The following ACBD6 variants were observed in gnomAD, a reference collection of about 807,000 sequenced individuals.
The protein encoded by ACBD6 is acyl-CoA binding domain containing 6.
Under a neutral mutation model 37.2 loss-of-function variants are expected in ACBD6, and 28 were observed. The ratio of observed to expected loss-of-function variants is 0.75; its 90% CI spans 0.56 to 1.03. ACBD6 has a LOEUF of 1.03. ACBD6 is among the 50% of genes least tolerant of loss of function. ACBD6 has a pLI of 0.00. For missense variants in ACBD6, 340 were observed against 337.4 expected, an observed-to-expected ratio of 1.01 and a Z score of -0.06; for synonymous variants, 113 against 126.8, an observed-to-expected ratio of 0.89 and a Z score of 0.73.
At chr1:180,374,862 C>T (rs1384728360) in intron 6 of ACBD6, among the ~76,000 whole-genome samples, 4 of 151,904 alleles carry the variant, frequency 2.6e-5, no homozygotes, top group South Asian at 2.1e-4. Context: ...AAACAGTAAA[C>T]ATTTTATAGC....
chr1:180,384,756 C>G (rs1188651785), intron 6 of ACBD6, among the ~76,000 whole-genome samples: 1 of 152,170 alleles, frequency 6.6e-6, no homozygotes, highest in African/African-American at 2.4e-5. Flanking sequence ...ACTGAAGTGT[C>G]CATCTACAGA....
intron 3 of ACBD6, among the ~76,000 whole-genome samples, chr1:180,452,793 C>T (rs1474409342): frequency 2.0e-5 from 3 of 152,174 alleles, no homozygotes; most frequent in Non-Finnish European, 2.9e-5. Flanking sequence ...CACCTCTACG[C>T]AAATAAACTA....
Position 180,413,470 on chromosome 1 carries a change from C to T in ACBD6, c.469G>A (p.Glu157Lys), listed in dbSNP as rs931547124. ...TAATCAAATATATTTTTGTCTTCTT[C>T]CCTAGAATAAAAAAAAGAAAGGTCT... ...SSLYHEETIR[E>K]EDKNIFDYCR... The change falls in exon 5 of 8, where the codon GAA (glutamate) becomes AAA (lysine). Residue 157 changes from glutamate (E) to lysine (K), a missense_variant and splice_region_variant. By Grantham distance (56) the Glu-to-Lys change is moderately conservative. Transcript: ENST00000367595. 3 of 1,603,354 alleles carry T rather than the reference C, an allele frequency of 1.9e-6. No individual in the cohort carries two copies. The African/African-American group carries it at 4.0e-5, about 21-fold the overall frequency.
rs1654307667 is a variant in ACBD6 at position 180,397,498 on chromosome 1, CTTCT to C, written c.663+14_663+17del. 3.7e-6 allele frequency: 6 copies of C among 1,601,006 alleles called. No individual in the cohort carries two copies. The highest frequency in any genetic ancestry group is 5.1e-6 in the Non-Finnish European group (6 of 1,168,074). ...TACTTCAATTTAAAAAATAAAAGCT[CTTCT>C]TTATCACTCTTACCTGACAGTTAAT... is the stretch of plus-strand genomic sequence containing the variant. On this transcript the variant is annotated intron_variant, in intron 6 of 7. Transcript: ENST00000367595.
intron 3 of ACBD6, among the ~76,000 whole-genome samples, chr1:180,492,015 G>A (rs951109583): frequency 1.3e-5 from 2 of 152,060 alleles, no homozygotes; most frequent in Admixed American, 6.6e-5. Flanking sequence ...TCACCATGCT[G>A]GCCAGGCCGG....
At chr1:180,330,544 G>A (rs1651440367) in intron 6 of ACBD6, among the ~76,000 whole-genome samples, 1 of 152,062 alleles carries the variant, frequency 6.6e-6, no homozygotes, top group Admixed American at 6.6e-5. Context: ...CTCCACATGG[G>A]CTACAACAGT....
At chr1:180,378,302 A>G (rs1311125555) in intron 6 of ACBD6, among the ~76,000 whole-genome samples, 1 of 152,204 alleles carries the variant, frequency 6.6e-6, no homozygotes, top group Non-Finnish European at 1.5e-5. Context: ...CTTCAAAAGC[A>G]TAAGGATAAT....
In ACBD6 at chr1:180,425,358, T is replaced by C. The variant is rs552164295; in HGVS notation, c.467+4822A>G. Among the ~76,000 whole-genome samples the C allele has an allele frequency of 1.6e-4, 25 of 152,338 alleles. No individual in the cohort carries two copies. The South Asian group carries it at 5.0e-3, about 30-fold the overall frequency. ...TTGCCTATACCCACTTGTGTAGTCC[T>C]CAAAGAATAACCAGAATTTAACAAG... On this transcript the variant is annotated intron_variant, in intron 4 of 7. Coordinates refer to ENST00000367595, the MANE Select transcript of ACBD6 (RefSeq NM_032360.4).
chr1:180,383,348 T>C (rs1439911353), intron 6 of ACBD6, among the ~76,000 whole-genome samples: 1 of 152,080 alleles, frequency 6.6e-6, no homozygotes, highest in Non-Finnish European at 1.5e-5. Context: ...TCGAGTTGAA[T>C]ACAAAATCAA....
At chr1:180,362,141 GAGAA>G (rs2101904500) in intron 6 of ACBD6, among the ~76,000 whole-genome samples, 1 of 152,242 alleles carries the variant, frequency 6.6e-6, no homozygotes, top group East Asian at 1.9e-4. Context: ...ACCAAATGAA[GAGAA>G]AGAGAGGGAG....
At chr1:180,363,243 T>G (rs554511810) in intron 6 of ACBD6, among the ~76,000 whole-genome samples, 1 of 152,350 alleles carries the variant, frequency 6.6e-6, no homozygotes, top group Non-Finnish European at 1.5e-5. Context: ...GTTGAAGTTT[T>G]TGTAATTAAA....
At chr1:180,389,100 C>T (rs1049866675) in intron 6 of ACBD6, among the ~76,000 whole-genome samples, 4 of 152,124 alleles carry the variant, frequency 2.6e-5, no homozygotes, top group Admixed American at 6.5e-5. Flanking sequence ...GTGTGCTGCA[C>T]CCATTGACTC....
chr1:180,489,922 G>A (rs972721149), intron 3 of ACBD6, among the ~76,000 whole-genome samples: 1 of 152,192 alleles, frequency 6.6e-6, no homozygotes, highest in Admixed American at 6.5e-5. Flanking sequence ...GCCTCCCAAA[G>A]TGTTGGGATT....
At chr1:180,296,805 G>C (rs1327892289) in intron 7 of ACBD6, among the ~76,000 whole-genome samples, 1 of 151,594 alleles carries the variant, frequency 6.6e-6, no homozygotes, top group African/African-American at 2.4e-5. Flanking sequence ...AACTAGAAAG[G>C]AGAAAACAAT....
intron 6 of ACBD6, among the ~76,000 whole-genome samples, chr1:180,328,030 G>A (rs1651323436): frequency 1.3e-5 from 2 of 152,138 alleles, no homozygotes; most frequent in South Asian, 4.1e-4. Flanking sequence ...CAAATGAGGT[G>A]TTGACGAAAA....
chr1:180,495,875 T>C (rs1651718052), intron 1 of ACBD6, among the ~76,000 whole-genome samples: 1 of 152,160 alleles, frequency 6.6e-6, no homozygotes, highest in Non-Finnish European at 1.5e-5. Context: ...GTAAAAGAAT[T>C]TTTAATATGA....
chr1:180,336,703 A>C (rs1413031725), intron 6 of ACBD6, among the ~76,000 whole-genome samples: 2 of 152,136 alleles, frequency 1.3e-5, no homozygotes, highest in Non-Finnish European at 2.9e-5. Flanking sequence ...AAAACCCTTC[A>C]AAAACTCAAT....
rs540705387 is a variant in ACBD6 at position 180,390,184 on chromosome 1, G to C, written c.663+7332C>G. ...CACCTTGAATTAATTTTTGTAGAAGGTGTAAGGAAGGGATCCAGTTTCAGC... is the reference window on the plus strand; with the variant it reads ...CACCTTGAATTAATTTTTGTAGAAGCTGTAAGGAAGGGATCCAGTTTCAGC... On this transcript the variant is annotated intron_variant, in intron 6 of 7. Transcript: ENST00000367595. Among the ~76,000 whole-genome samples, 22 of 152,200 alleles carry C rather than the reference G, an allele frequency of 1.4e-4. 1 individual carries two copies. Among genetic ancestry groups the C allele is most frequent in the Admixed American group, 9.2e-4 (14 of 15,270 alleles).
chr1:180,489,696 G>A (rs1048895072), intron 3 of ACBD6, among the ~76,000 whole-genome samples: 8 of 149,904 alleles, frequency 5.3e-5, no homozygotes, highest in East Asian at 2.0e-4. Flanking sequence ...TTGCTCTGTC[G>A]CCCAGGCTGG....
Sources: allele counts gnomAD v4.1 joint callset (sites outside exome capture counted in the v4.1 genomes callset), GRCh38; gene constraint gnomAD v4.1.1; transcripts MANE v1.5; gene names NCBI Gene and HGNC (gene_info 2026-07-23, HGNC 2026-07-21).